Variants in IRF4 observed in about 807,000 individuals in gnomAD.
The protein encoded by IRF4 is lymphocyte-specific interferon regulatory factor.
IRF4 carries 13 observed loss-of-function variants against 55.5 expected under a neutral mutation model. That is an observed-to-expected ratio of 0.23 (90% CI 0.15 to 0.37). The LOEUF is 0.37. IRF4 is among the 10% of genes least tolerant of loss of function. IRF4 has a pLI of 1.00. For missense variants in IRF4, 397 were observed against 593.8 expected (o/e 0.67, Z 3.44); for synonymous variants, 249 against 240.7 (o/e 1.03, Z -0.32).
At chr6:392,525 C>T (rs779747425) in intron 1 of IRF4, among the ~76,000 whole-genome samples, 1 of 152,272 alleles carries the variant, frequency 6.6e-6, no homozygotes, top group East Asian at 1.9e-4. Context: ...ACTTAGTGCG[C>T]GCTAGCTGGG....
chr6:397,304 A>T (rs775441450), intron 5 of IRF4, 52 bp downstream of exon 5: 1 of 1,597,196 alleles, frequency 6.3e-7, no homozygotes. Flanking sequence ...TAATGTGGCC[A>T]TGGGCCATGG....
In IRF4 at chr6:398,733, C is replaced by T; in HGVS notation, c.638-95C>T. 4 of 819,314 alleles carry T rather than the reference C, an allele frequency of 4.9e-6. No individual in the cohort carries two copies. In the South Asian group the frequency reaches 8.0e-5, roughly 16 times the overall value. 50.8% of individuals were successfully genotyped at this position (819,314 alleles called of 1,614,324 possible). A position where few individuals can be genotyped will look rare whatever the true frequency, so the allele number is the denominator to read the frequency against. On this transcript the variant is annotated intron_variant, in intron 5 of 8. Coordinates refer to ENST00000380956, the MANE Select transcript of IRF4 (RefSeq NM_002460.4). ...TGGGAAGGTGATTGGGCGCCAGCCCCTTCCTTCCCAGGCTTCACACACACA... is the reference window on the plus strand; with the variant it reads ...TGGGAAGGTGATTGGGCGCCAGCCCTTTCCTTCCCAGGCTTCACACACACA...
rs1483012717 is a variant in IRF4, at chr6:393,387, C to T, written c.216+19C>T. The T allele has an allele frequency of 1.5e-6, 2 of 1,322,596 alleles. No individual in the cohort carries two copies. The highest frequency in any genetic ancestry group is 2.2e-5 in the Admixed American group (1 of 46,304). The allele number at this position is 1,322,596 out of a possible 1,614,324, so 81.9% of individuals were successfully genotyped here. A position where few individuals can be genotyped will look rare whatever the true frequency, so the allele number is the denominator to read the frequency against. ...CTTCAAGGTCTCCGGCCTCGGGAGCCGGCGGGGGCGCGCCGGGGAGGGCCC... is the reference window on the plus strand; with the variant it reads ...CTTCAAGGTCTCCGGCCTCGGGAGCTGGCGGGGGCGCGCCGGGGAGGGCCC... On this transcript the variant is annotated intron_variant, in intron 2 of 8. Transcript: ENST00000380956. The surrounding 1 kb of genome is among the most constrained non-coding windows in gnomAD (Gnocchi z 5.4).
intron 6 of IRF4, 108 bp from the exon 7 acceptor site, chr6:401,316 C>G (rs1761392147): frequency 1.2e-6 from 1 of 810,672 alleles, no homozygotes; most frequent in South Asian, 1.7e-5. Flanking sequence ...CCCCACGGGA[C>G]ATGTGGGACA....
chr6:406,738 T>TA, intron 8 of IRF4: 2 of 1,147,554 alleles, frequency 1.7e-6, no homozygotes, highest in Non-Finnish European at 2.2e-6. Context: ...GTTCCACTTT[T>TA]AAAAATTATT....
At chr6:401,263 C>T (rs772389297) in intron 6 of IRF4, among the ~76,000 whole-genome samples, 161 bp from the exon 7 acceptor site, 7 of 152,210 alleles carry the variant, frequency 4.6e-5, no homozygotes, top group Admixed American at 2.6e-4. Context: ...GACAAGGGCA[C>T]GCTGTGTTTC....
In IRF4 at chr6:405,147, A is replaced by G; in HGVS notation, c.1212+17A>G. 3.0e-6 allele frequency: 4 copies of G among 1,349,962 alleles called. No individual in the cohort carries two copies. Among genetic ancestry groups the G allele is most frequent in the Non-Finnish European group, 4.3e-6 (4 of 940,102 alleles). 83.6% of individuals were successfully genotyped at this position (1,349,962 alleles called of 1,614,324 possible). A position where few individuals can be genotyped will look rare whatever the true frequency, so the allele number is the denominator to read the frequency against. The stretch of plus-strand genomic sequence containing the variant: ...ACAGCTCACGTGAGTCCTCAGTTAC[A>G]CTCCTACCATAGTGGCTTCCTGTTC... On this transcript the variant is annotated intron_variant, in intron 8 of 8. Transcript: ENST00000380956.
At chr6:394,431 A>G (rs931864176) in intron 2 of IRF4, among the ~76,000 whole-genome samples, 6 of 152,228 alleles carry the variant, frequency 3.9e-5, no homozygotes, top group Non-Finnish European at 1.5e-5. Context: ...CCTATGCGCC[A>G]TTCTTTCTTT....
At chr6:401,986 A>G (rs540847754) in intron 7 of IRF4, among the ~76,000 whole-genome samples, 22 of 152,326 alleles carry the variant, frequency 1.4e-4, no homozygotes, top group Non-Finnish European at 2.9e-4. Flanking sequence ...CAGGTGGACC[A>G]TGGCTCAGGC....
rs1761187864 is a variant in IRF4, at chr6:393,844, TC to T, written c.216+477del. On this transcript the variant is annotated intron_variant, in intron 2 of 8. Transcript: ENST00000380956. This position sits in a 1 kb window ranked among gnomAD's most constrained non-coding sequence, Gnocchi z 5.4. ...CGCTGCTTTTCTCTCTGAGTCTCTC[TC>T]TCTCCATGTTTTTCCTGAGGTCAGC... 6.6e-6 allele frequency among the ~76,000 whole-genome samples: 1 copy of T among 152,122 alleles called. No individual in the cohort carries two copies. The highest frequency in any genetic ancestry group is 6.5e-5 in the Admixed American group (1 of 15,286).
intron 1 of IRF4, among the ~76,000 whole-genome samples, 173 bp from the exon 2 acceptor site, chr6:392,925 C>T (rs1761147537): frequency 7.0e-6 from 1 of 141,998 alleles, no homozygotes. Context: ...GGGATGCGCC[C>T]GGGCCGGCCG....
chr6:407,398 A>G, intron 8 of IRF4, 57 bp from the exon 9 acceptor site: 15 of 1,506,582 alleles, frequency 1.0e-5, no homozygotes, highest in Admixed American at 2.0e-5. Context: ...GTGCTGTTTA[A>G]TAGTGAGCCA....
intron 6 of IRF4, among the ~76,000 whole-genome samples, chr6:399,580 C>T (rs548271787): frequency 1.3e-3 from 195 of 151,026 alleles, no homozygotes; most frequent in Non-Finnish European, 2.2e-3. Context: ...GGCAAGCACA[C>T]GTGCTATATG....
Position 411,113 on chromosome 6 carries a change from T to G in IRF4, c.*3515T>G, listed in dbSNP as rs910341092. The G allele has an allele frequency of 1.3e-5, 3 of 233,012 alleles. No homozygotes were observed. Among genetic ancestry groups the G allele is most frequent in the Non-Finnish European group, 2.5e-5 (3 of 117,892 alleles). The allele number at this position is 233,012 out of a possible 1,614,324, so 14.4% of individuals were successfully genotyped here. On this transcript the variant is annotated 3_prime_UTR_variant, in exon 9 of 9. Transcript: ENST00000380956. ...AGGCCAACCCTCCTCCAATGGAAAT[T>G]CCCGTGTTGCTTCAAACTGAGACAG...
In IRF4 at chr6:397,299, TGGCCATG is replaced by T. The variant is rs558385454; in HGVS notation, c.637+56_637+62del. ...GAAATAGAAGAGCTAATTGCTAATG[TGGCCATG>T]GGCCATGGCGAATCCTGGTCTGTCC... On this transcript the variant is annotated intron_variant, in intron 5 of 8. Transcript: ENST00000380956. 8.4e-5 allele frequency: 135 copies of T among 1,606,546 alleles called. No homozygotes were observed. The African/African-American group carries it at 1.7e-3, about 20-fold the overall frequency.
intron 4 of IRF4, among the ~76,000 whole-genome samples, chr6:396,243 A>G (rs1337039486): frequency 6.6e-6 from 1 of 152,246 alleles, no homozygotes; most frequent in African/African-American, 2.4e-5. Flanking sequence ...ATGTGAAACC[A>G]CAGGGCAGCT....
rs984864281 is a variant in IRF4, at chr6:407,682, A to G, written c.*84A>G. Reference sequence around the variant, plus strand: ...GATACGGGGTCTTGCTCTGTCTCCCAGGCTGGAGTGCAGTGACACAATCTC... The same window carrying G: ...GATACGGGGTCTTGCTCTGTCTCCCGGGCTGGAGTGCAGTGACACAATCTC... On this transcript the variant is annotated 3_prime_UTR_variant, in exon 9 of 9. Coordinates refer to ENST00000380956, the MANE Select transcript of IRF4 (RefSeq NM_002460.4). 3.3e-5 allele frequency: 42 copies of G among 1,258,042 alleles called. No homozygotes were observed. The Middle Eastern group carries it at 8.3e-4, about 25-fold the overall frequency. The allele number at this position is 1,258,042 out of a possible 1,614,324, so 77.9% of individuals were successfully genotyped here.
intron 1 of IRF4, among the ~76,000 whole-genome samples, chr6:392,852 A>G (rs1029682066): frequency 3.9e-5 from 6 of 151,978 alleles, no homozygotes; most frequent in Non-Finnish European, 8.8e-5. Flanking sequence ...GTTACAGGAG[A>G]GCAGGCGGGT....
At chr6:392,831 G>A (rs1311994383) in intron 1 of IRF4, among the ~76,000 whole-genome samples, 1 of 152,202 alleles carries the variant, frequency 6.6e-6, no homozygotes, top group Non-Finnish European at 1.5e-5. Flanking sequence ...GAGCCTTTGG[G>A]CTGCGGGTGC....
Sources: allele counts gnomAD v4.1 joint callset (sites outside exome capture counted in the v4.1 genomes callset), GRCh38; gene constraint gnomAD v4.1.1; non-coding constraint Gnocchi (gnomAD v3.1); transcripts MANE v1.5; gene names NCBI Gene and HGNC (gene_info 2026-07-23, HGNC 2026-07-21).